SRPK2: variants seen among roughly 807,000 people sequenced by gnomAD.
The protein encoded by SRPK2 is SFRS protein kinase 2.
A neutral mutation model predicts 90.8 loss-of-function variants in SRPK2; 21 were observed. That is an observed-to-expected ratio of 0.23 (90% CI 0.16 to 0.33). The LOEUF (loss-of-function observed/expected upper bound fraction) is 0.33, where lower values mean the gene tolerates loss of function less well. Among genes scored for constraint, SRPK2 ranks in the 10% least tolerant of loss-of-function variants. The pLI, the probability that SRPK2 is intolerant of heterozygous loss-of-function variation, is 1.00. For missense variants in SRPK2, 620 were observed against 869.0 expected (o/e 0.71, Z 3.60); for synonymous variants, 288 against 311.1 (o/e 0.93, Z 0.78).
intron 2 of SRPK2, chr7:105,301,973 C>G: frequency 6.2e-7 from 1 of 1,608,344 alleles, no homozygotes; most frequent in Admixed American, 1.7e-5. Flanking sequence ...TTCAAAAGCC[C>G]AGAAGCGTAA....
At chr7:105,228,828 G>C (rs902551311) in intron 2 of SRPK2, among the ~76,000 whole-genome samples, 6 of 152,224 alleles carry the variant, frequency 3.9e-5, no homozygotes, top group African/African-American at 1.4e-4. Context: ...GCCTGGAGCA[G>C]CCAGCCGGAT....
At chr7:105,242,464 A>G (rs951102084) in intron 2 of SRPK2, among the ~76,000 whole-genome samples, 1 of 152,242 alleles carries the variant, frequency 6.6e-6, no homozygotes, top group African/African-American at 2.4e-5. Flanking sequence ...GTGAGCCAAG[A>G]TCACCCCACT....
At chr7:105,209,331 A>G (rs958333693) in intron 2 of SRPK2, among the ~76,000 whole-genome samples, 6 of 151,612 alleles carry the variant, frequency 4.0e-5, no homozygotes, top group Non-Finnish European at 8.8e-5. Flanking sequence ...TGGGTATATC[A>G]GTTGAGCCCA....
intron 2 of SRPK2, chr7:105,206,539 G>C (rs1032127967): frequency 6.4e-6 from 1 of 155,054 alleles, no homozygotes; most frequent in Admixed American, 6.2e-5. Context: ...TCTACCAAAT[G>C]AAAAGTGGTA....
chr7:105,146,521 T>C lies in SRPK2; in HGVS notation c.759A>G (p.Ala253=), dbSNP rs1265173177. ...CAGACCCTGAAGGAGGAGGAGCACCTGCTTTCTGCCACTCAGTGGCCTCAG... is the reference window on the plus strand; with the variant it reads ...CAGACCCTGAAGGAGGAGGAGCACCCGCTTTCTGCCACTCAGTGGCCTCAG... The part of the protein sequence containing the change: ...MAAEATEWQK[A]GAPPPSGSAV... The change falls in exon 8 of 16, where the codon GCA becomes GCG. Residue 253 remains alanine, a synonymous_variant. Transcript: ENST00000393651. 1 of 1,614,196 alleles carries C rather than the reference T, an allele frequency of 6.2e-7. No individual in the cohort carries two copies.
chr7:105,373,388 A>T (rs13232477), intron 2 of SRPK2, among the ~76,000 whole-genome samples: 2 of 146,616 alleles, frequency 1.4e-5, no homozygotes, highest in African/African-American at 2.5e-5. Context: ...AAAAAAAAAA[A>T]ATTTTTTTTC....
chr7:105,150,614 T>C lies in SRPK2; in HGVS notation c.622-3956A>G, dbSNP rs182774190. On this transcript the variant is annotated intron_variant, in intron 7 of 15. Transcript: ENST00000393651. The stretch of plus-strand genomic sequence containing the variant: ...TTCCATGGAGAACATGGTTATACTT[T>C]TGAAGGAAACACAATCCAATGGGCT... Among the ~76,000 whole-genome samples the C allele has an allele frequency of 2.2e-3, 331 of 152,350 alleles. 1 individual carries two copies. The highest frequency in any genetic ancestry group is 6.8e-3 in the Middle Eastern group (2 of 294).
intron 2 of SRPK2, among the ~76,000 whole-genome samples, chr7:105,369,571 G>T (rs1264671565): frequency 6.6e-6 from 1 of 152,128 alleles, no homozygotes; most frequent in African/African-American, 2.4e-5. Context: ...TATACACGAT[G>T]TATTTCATCT....
intron 2 of SRPK2, chr7:105,306,552 A>C: frequency 2.3e-6 from 1 of 444,254 alleles, no homozygotes; most frequent in South Asian, 1.6e-5. Flanking sequence ...CTACCCTTGA[A>C]GCAGCAGGAT....
chr7:105,115,246 T>TGAA (rs377077139), downstream of SRPK2: 1 of 152,226 alleles, frequency 6.6e-6, no homozygotes, highest in Admixed American at 6.5e-5. Context: ...GGATAGAAAC[T>TGAA]GAAGAAGTTC....
At chr7:105,333,179 G>A (rs1207267299) in intron 2 of SRPK2, among the ~76,000 whole-genome samples, 4 of 152,176 alleles carry the variant, frequency 2.6e-5, no homozygotes, top group African/African-American at 7.2e-5. Flanking sequence ...GAGCGACAGA[G>A]TGAGACTCCA....
intron 1 of SRPK2, among the ~76,000 whole-genome samples, chr7:105,397,238 G>A (rs1241410433): frequency 2.0e-5 from 3 of 151,856 alleles, no homozygotes; most frequent in African/African-American, 2.4e-5. Flanking sequence ...GGATGGTCTC[G>A]ATCTTTTGAC....
chr7:105,274,698 G>A (rs1324820779), intron 2 of SRPK2, among the ~76,000 whole-genome samples: 1 of 150,682 alleles, frequency 6.6e-6, no homozygotes, highest in African/African-American at 2.4e-5. Context: ...TGACACTTTG[G>A]ATCCCTCATT....
intron 7 of SRPK2, among the ~76,000 whole-genome samples, chr7:105,156,805 G>GT (rs1317942565): frequency 6.6e-6 from 1 of 152,100 alleles, no homozygotes; most frequent in Non-Finnish European, 1.5e-5. Context: ...CGCCTGGCTG[G>GT]TATCATTATT....
chr7:105,291,062 AAAAGAAATG>A (rs1358860294), intron 2 of SRPK2, among the ~76,000 whole-genome samples: 1 of 150,296 alleles, frequency 6.7e-6, no homozygotes, highest in Non-Finnish European at 1.5e-5. Flanking sequence ...AAAAAAAAAA[AAAAGAAATG>A]AAGACTGGGA....
At chr7:105,279,450 GA>G (rs1416763312) in intron 2 of SRPK2, among the ~76,000 whole-genome samples, 5 of 152,260 alleles carry the variant, frequency 3.3e-5, no homozygotes, top group Non-Finnish European at 5.9e-5. Flanking sequence ...GTTCTGGCAA[GA>G]AAAGTGAGTC....
intron 6 of SRPK2, among the ~76,000 whole-genome samples, chr7:105,164,103 A>G (rs1042767164): frequency 1.3e-5 from 2 of 152,228 alleles, no homozygotes; most frequent in Non-Finnish European, 2.9e-5. Flanking sequence ...GACAAAGCAC[A>G]ATCAAAGCAA....
intron 2 of SRPK2, among the ~76,000 whole-genome samples, chr7:105,361,921 G>A (rs1483472133): frequency 6.6e-6 from 1 of 151,350 alleles, no homozygotes; most frequent in East Asian, 1.9e-4. Flanking sequence ...CATGGGCAAG[G>A]ACTTCATGAC....
chr7:105,292,636 G>A (rs975087590), intron 2 of SRPK2, among the ~76,000 whole-genome samples: 4 of 151,998 alleles, frequency 2.6e-5, no homozygotes, highest in Non-Finnish European at 5.9e-5. Flanking sequence ...TGCACCAATG[G>A]TGCCATATTG....
Sources: allele counts gnomAD v4.1 joint callset (sites outside exome capture counted in the v4.1 genomes callset), GRCh38; gene constraint gnomAD v4.1.1; transcripts MANE v1.5; gene names NCBI Gene and HGNC (gene_info 2026-07-23, HGNC 2026-07-21).